The following ZNF91 variants were observed in gnomAD, a reference collection of about 807,000 sequenced individuals.
ZNF91 encodes zinc finger protein 91, also known as zinc finger protein 91 (HPF7, HTF10).
In ZNF91, 7 loss-of-function variants were observed where a neutral mutation model predicts 12.6. The observed-to-expected ratio is 0.55, with a 90% CI of 0.31 to 1.04. The LOEUF is 1.04. Among genes scored for constraint, ZNF91 ranks in the 50% least tolerant of loss-of-function variants. ZNF91 has a pLI of 0.05. For missense variants in ZNF91, 1,217 were observed against 1,385.4 expected, an observed-to-expected ratio of 0.88 and a Z score of 1.93; for synonymous variants, 453 against 462.6, an observed-to-expected ratio of 0.98 and a Z score of 0.27.
intron 3 of ZNF91, among the ~76,000 whole-genome samples, chr19:23,341,233 T>A (rs560647277): frequency 6.6e-6 from 1 of 151,890 alleles, no homozygotes; most frequent in Non-Finnish European, 1.5e-5. Flanking sequence ...GTATTTTTAG[T>A]AGAGACGGGG....
intron 3 of ZNF91, among the ~76,000 whole-genome samples, chr19:23,343,845 A>C (rs1461957513): frequency 1.3e-5 from 2 of 152,204 alleles, no homozygotes; most frequent in African/African-American, 4.8e-5. Flanking sequence ...TTGGGCTGGA[A>C]CCTGACACTT....
intron 1 of ZNF91, among the ~76,000 whole-genome samples, chr19:23,391,459 C>T (rs1970063314): frequency 6.6e-6 from 1 of 152,104 alleles, no homozygotes; most frequent in East Asian, 1.9e-4. Context: ...CATTCCCCTC[C>T]TACCTCCTTA....
rs1294179868 is a variant in ZNF91 at position 23,380,208 on chromosome 19, G to A, written c.31-5444C>T. The A allele has an allele frequency of 3.6e-5, 5 of 140,840 alleles. No homozygotes were observed. The East Asian group carries it at 6.3e-4, about 18-fold the overall frequency. 8.7% of individuals were successfully genotyped at this position (140,840 alleles called of 1,614,324 possible). On this transcript the variant is annotated intron_variant, in intron 1 of 3. Transcript: ENST00000300619. ...CAGAAGGCGGAGGTTGCAGTGAGCC[G>A]AGATTGCGAGATTGCACCATTGCAC...
chr19:23,335,979 T>C (rs1599697397), downstream of ZNF91, among the ~76,000 whole-genome samples: 3 of 152,194 alleles, frequency 2.0e-5, no homozygotes, highest in South Asian at 6.2e-4. Context: ...TAAAATAACA[T>C]GTTCCATTAA....
chr19:23,382,167 T>G (rs1969741423), intron 1 of ZNF91, among the ~76,000 whole-genome samples: 1 of 152,116 alleles, frequency 6.6e-6, no homozygotes, highest in Non-Finnish European at 1.5e-5. Flanking sequence ...GAAAAGAGAT[T>G]TTAGTAAGAT....
intron 3 of ZNF91, among the ~76,000 whole-genome samples, chr19:23,370,653 A>G (rs889985894): frequency 8.5e-5 from 13 of 152,104 alleles, no homozygotes; most frequent in Non-Finnish European, 1.5e-4. Flanking sequence ...GGTACACACC[A>G]TCATGCCTGG....
chr19:23,340,923 A>G (rs1480118874), intron 3 of ZNF91, among the ~76,000 whole-genome samples: 3 of 151,942 alleles, frequency 2.0e-5, no homozygotes, highest in East Asian at 3.9e-4. Context: ...CAAAAATATA[A>G]TAATAGTAAT....
intron 3 of ZNF91, among the ~76,000 whole-genome samples, chr19:23,351,215 C>T (rs980189265): frequency 7.2e-5 from 11 of 151,854 alleles, no homozygotes; most frequent in Non-Finnish European, 1.2e-4. Context: ...ATCCCAGCTA[C>T]TTGGAGGCTG....
chr19:23,348,670 C>T (rs1968292099), intron 3 of ZNF91, among the ~76,000 whole-genome samples: 1 of 151,960 alleles, frequency 6.6e-6, no homozygotes, highest in South Asian at 2.1e-4. Flanking sequence ...ATCAGGGCAC[C>T]CTGAAAAAGA....
intron 3 of ZNF91, among the ~76,000 whole-genome samples, chr19:23,352,055 G>A (rs905483025): frequency 6.6e-6 from 1 of 152,192 alleles, no homozygotes; most frequent in Non-Finnish European, 1.5e-5. Flanking sequence ...CAGAACCCAG[G>A]GGAAGGCGAG....
At chr19:23,315,161 G>T (rs1967533747), upstream of ZNF91, among the ~76,000 whole-genome samples, 1 of 152,134 alleles carries the variant, frequency 6.6e-6, no homozygotes, top group Admixed American at 6.5e-5. Context: ...CTTAGCCTTT[G>T]TTCAAGGAAA....
rs879226325 is a variant in ZNF91 at position 23,361,967 on chromosome 19, C to G, written c.1012G>C (p.Ala338Pro). ...GKAFSRSSTL[A>P]KHKRIHTGEK... ...CCAGTATGAATTCTCTTATGTTTAG[C>G]AAGGGTTGAAGAACGGCTAAAAGCT... Residue 338 changes from alanine (A) to proline (P), a missense_variant, in exon 4 of 4, where the codon GCT becomes CCT. Around this residue, in one of 2 missense-constraint regions of ZNF91, gnomAD observed 726 missense variants for 895.5 expected, o/e 0.81. Transcript: ENST00000300619. The G allele has an allele frequency of 2.7e-6, 4 of 1,474,390 alleles. No individual in the cohort carries two copies. Among genetic ancestry groups the G allele is most frequent in the Non-Finnish European group, 3.6e-6 (4 of 1,111,034 alleles). The allele number at this position is 1,474,390 out of a possible 1,614,324, so 91.3% of individuals were successfully genotyped here.
intron 1 of ZNF91, among the ~76,000 whole-genome samples, chr19:23,321,806 C>A (rs368122604): frequency 6.6e-6 from 1 of 152,086 alleles, no homozygotes; most frequent in Non-Finnish European, 1.5e-5. Flanking sequence ...CTGTTCCCAG[C>A]ATCTAAGTGA....
rs767678776 is a variant in ZNF91, at chr19:23,359,511, A to G, written c.3468T>C (p.His1156=). 54 of 1,613,836 alleles carry G rather than the reference A, an allele frequency of 3.3e-5. No homozygotes were observed. The highest frequency in any genetic ancestry group is 4.6e-5 in the Non-Finnish European group (54 of 1,179,824). Residue 1156 remains histidine, a synonymous_variant, in exon 4 of 4, where the codon CAT becomes CAC. Coordinates refer to ENST00000300619, the MANE Select transcript of ZNF91 (RefSeq NM_003430.4). Reference sequence around the variant, plus strand: ...GTAGTGGGATTACAGGTGTGATAGTATGAATTTTCTTATGGTTAGTAAGGA... The same window carrying G: ...GTAGTGGGATTACAGGTGTGATAGTGTGAATTTTCTTATGGTTAGTAAGGA... The part of the protein sequence containing the change: ...SSILTNHKKI[H]TITPVIPLLW...
intron 1 of ZNF91, among the ~76,000 whole-genome samples, chr19:23,316,048 G>A (rs79818536): frequency 0.022 from 3,368 of 151,620 alleles, 118 homozygotes; most frequent in African/African-American, 0.077. Flanking sequence ...CTGAAGACAG[G>A]GGTATTATAT....
intron 1 of ZNF91, among the ~76,000 whole-genome samples, chr19:23,317,603 T>C (rs1386333049): frequency 1.3e-5 from 2 of 152,158 alleles, no homozygotes; most frequent in Non-Finnish European, 2.9e-5. Flanking sequence ...ACAATAAAGA[T>C]TGTCATACTG....
intron 1 of ZNF91, among the ~76,000 whole-genome samples, chr19:23,379,926 C>T (rs192234759): frequency 9.2e-4 from 140 of 152,144 alleles, no homozygotes; most frequent in Non-Finnish European, 1.9e-3. Context: ...CTTAGATGAA[C>T]GACAATTGCC....
At chr19:23,370,525 CAG>C (rs1568393253) in intron 3 of ZNF91, among the ~76,000 whole-genome samples, 1 of 152,066 alleles carries the variant, frequency 6.6e-6, no homozygotes, top group Non-Finnish European at 1.5e-5. Flanking sequence ...TTTTTTGAGA[CAG>C]GGTCTCAATC....
At chr19:23,306,358 C>CT (rs1967399009) in intron 3 of ZNF91, among the ~76,000 whole-genome samples, 1 of 152,204 alleles carries the variant, frequency 6.6e-6, no homozygotes, top group Non-Finnish European at 1.5e-5. Context: ...ACACATCTGC[C>CT]TGGGCCCAGC....
Sources: gnomAD v4.1 joint callset for allele counts (sites outside exome capture counted in the v4.1 genomes callset) on GRCh38, gnomAD v4.1.1 for gene constraint, gnomAD v4.1.1 regional missense constraint, MANE v1.5 for transcripts, NCBI Gene and HGNC (gene_info 2026-07-23, HGNC 2026-07-21) for gene names.